DNAJC1: variants seen among roughly 807,000 people sequenced by gnomAD.
DNAJC1 encodes dnaJ homolog subfamily C member 1.
A neutral mutation model predicts 76.6 loss-of-function variants in DNAJC1; 58 were observed. That is an observed-to-expected ratio of 0.76 (90% confidence interval 0.61 to 0.94). The LOEUF is 0.94. Among genes scored for constraint, DNAJC1 ranks in the 40% least tolerant of loss-of-function variants. The pLI is 0.00. For synonymous variants in DNAJC1, 258 were observed against 267.9 expected, an observed-to-expected ratio of 0.96 and a Z score of 0.36; for missense variants, 689 against 677.3, an observed-to-expected ratio of 1.02 and a Z score of -0.19.
At chr10:21,842,575 T>G (rs777386946) in intron 8 of DNAJC1, among the ~76,000 whole-genome samples, 3 of 152,384 alleles carry the variant, frequency 2.0e-5, no homozygotes, top group Non-Finnish European at 4.4e-5. Context: ...CGCCATCTTA[T>G]GGCAAGGTCC....
chr10:21,960,296 G>A (rs1255414970), intron 1 of DNAJC1, among the ~76,000 whole-genome samples: 1 of 151,864 alleles, frequency 6.6e-6, no homozygotes, highest in African/African-American at 2.4e-5. Flanking sequence ...GAAAATAACA[G>A]GAAAGAACAG....
chr10:21,806,151 A>C lies in DNAJC1; in HGVS notation c.979-52T>G, dbSNP rs531695363. The C allele has an allele frequency of 6.6e-5, 101 of 1,539,284 alleles. No homozygotes were observed. In the South Asian group the frequency reaches 1.2e-3, roughly 18 times the overall value. On this transcript the variant is annotated intron_variant, in intron 8 of 11. Transcript: ENST00000376980. ...AAGATAATTGGGAGAAAATAAAAAGATAATTGGAAGAATAAAAAAAGATAA... is the reference window on the plus strand; with the variant it reads ...AAGATAATTGGGAGAAAATAAAAAGCTAATTGGAAGAATAAAAAAAGATAA...
chr10:21,777,577 T>C (rs541199436), intron 9 of DNAJC1, among the ~76,000 whole-genome samples: 1 of 152,284 alleles, frequency 6.6e-6, no homozygotes, highest in East Asian at 1.9e-4. Context: ...GCCCAGCACC[T>C]CAGGAAACCA....
At chr10:21,771,508 T>G (rs904533912) in intron 9 of DNAJC1, among the ~76,000 whole-genome samples, 1 of 152,216 alleles carries the variant, frequency 6.6e-6, no homozygotes, top group Non-Finnish European at 1.5e-5. Context: ...CAAACACTTT[T>G]TTTTTTTTGA....
chr10:21,841,282 A>G (rs1301841244), intron 8 of DNAJC1, among the ~76,000 whole-genome samples: 1 of 152,236 alleles, frequency 6.6e-6, no homozygotes, highest in African/African-American at 2.4e-5. Flanking sequence ...GAGCTTCTGC[A>G]CAGCAAAAGA....
intron 6 of DNAJC1, among the ~76,000 whole-genome samples, chr10:21,907,114 GGAC>G (rs774657177): frequency 6.6e-6 from 1 of 151,938 alleles, no homozygotes; most frequent in Non-Finnish European, 1.5e-5. Context: ...TCCTGCTATG[GGAC>G]ATAATCCCAC....
rs531895642 is a variant in DNAJC1 at position 21,938,270 on chromosome 10, C to T, written c.223-9129G>A. On this transcript the variant is annotated intron_variant, in intron 1 of 11. Transcript: ENST00000376980. ...CTCTAGAGAAGGATACGAATGAAAACGAAAACATACCATGCCAAAACGTAG... is the reference window on the plus strand; with the variant it reads ...CTCTAGAGAAGGATACGAATGAAAATGAAAACATACCATGCCAAAACGTAG... 8.6e-5 allele frequency among the ~76,000 whole-genome samples: 13 copies of T among 150,590 alleles called. No individual in the cohort carries two copies. The South Asian group carries it at 1.9e-3, about 22-fold the overall frequency.
rs183967171 is a variant in DNAJC1 at position 21,802,231 on chromosome 10, C to G, written c.1098+3749G>C. On this transcript the variant is annotated intron_variant, in intron 9 of 11. Transcript: ENST00000376980. ...GAACTACTGTAGCAGGAAACTGGTA[C>G]AGCGGCAGTGAGGACGAAGGCAGAA... Among the ~76,000 whole-genome samples the G allele has an allele frequency of 1.1e-4, 16 of 152,250 alleles. No individual in the cohort carries two copies. In the East Asian group the frequency reaches 2.7e-3, roughly 26 times the overall value.
At chr10:21,893,887 TGATC>T in intron 7 of DNAJC1, among the ~76,000 whole-genome samples, 1 of 151,902 alleles carries the variant, frequency 6.6e-6, no homozygotes, top group African/African-American at 2.4e-5. Flanking sequence ...AACAAAGAAC[TGATC>T]CTTTGAAAAG....
chr10:21,890,177 T>TGAG (rs1554894418), intron 7 of DNAJC1, among the ~76,000 whole-genome samples: 1 of 56,412 alleles, frequency 1.8e-5, no homozygotes, highest in African/African-American at 1.2e-4. Context: ...TTTGGGAGGC[T>TGAG]GGGGGGGGGT....
At chr10:21,898,758 C>T (rs1052986704) in intron 7 of DNAJC1, among the ~76,000 whole-genome samples, 2 of 150,504 alleles carry the variant, frequency 1.3e-5, no homozygotes, top group African/African-American at 4.9e-5. Context: ...TAGTACATGA[C>T]GAGGTTTTGC....
At chr10:21,776,701 T>G (rs1764429616) in intron 9 of DNAJC1, among the ~76,000 whole-genome samples, 1 of 152,206 alleles carries the variant, frequency 6.6e-6, no homozygotes, top group Admixed American at 6.5e-5. Flanking sequence ...AACTTTTCTG[T>G]GGATTATCTG....
chr10:21,971,996 A>G (rs1837987470), intron 1 of DNAJC1, among the ~76,000 whole-genome samples: 1 of 151,874 alleles, frequency 6.6e-6, no homozygotes, highest in South Asian at 2.1e-4. Context: ...TATCCTCTTT[A>G]TTTTGTATAT....
chr10:21,819,139 A>T (rs532641548), intron 8 of DNAJC1, among the ~76,000 whole-genome samples: 5 of 152,352 alleles, frequency 3.3e-5, no homozygotes, highest in Admixed American at 2.6e-4. Flanking sequence ...GCGGTGGCTC[A>T]TGCCTGTTAA....
At chr10:21,992,367 T>C (rs539579048) in intron 1 of DNAJC1, among the ~76,000 whole-genome samples, 7 of 152,114 alleles carry the variant, frequency 4.6e-5, no homozygotes, top group Non-Finnish European at 8.8e-5. Flanking sequence ...TATTTTAGTA[T>C]ATTGGGTTAA....
chr10:21,939,828 TATTG>T (rs1420772014), intron 1 of DNAJC1, among the ~76,000 whole-genome samples: 4 of 152,036 alleles, frequency 2.6e-5, no homozygotes, highest in Non-Finnish European at 4.4e-5. Flanking sequence ...GTATCTGATT[TATTG>T]ATTAAAAGCT....
chr10:21,870,048 A>T (rs1240377917), intron 8 of DNAJC1, among the ~76,000 whole-genome samples: 2 of 152,078 alleles, frequency 1.3e-5, no homozygotes, highest in African/African-American at 4.8e-5. Context: ...TAAAAGCAAA[A>T]ATCCTAAAAA....
At chr10:21,810,536 C>G (rs1834948235) in intron 8 of DNAJC1, among the ~76,000 whole-genome samples, 1 of 152,112 alleles carries the variant, frequency 6.6e-6, no homozygotes, top group Non-Finnish European at 1.5e-5. Flanking sequence ...ACACTCTGAC[C>G]CAAAGAGTCA....
At chr10:21,856,054 G>A (rs866416488) in intron 8 of DNAJC1, among the ~76,000 whole-genome samples, 1 of 152,156 alleles carries the variant, frequency 6.6e-6, no homozygotes, top group Non-Finnish European at 1.5e-5. Context: ...CAATATTAGA[G>A]ATAGTTACAG....
Sources: allele counts gnomAD v4.1 joint callset (sites outside exome capture counted in the v4.1 genomes callset), GRCh38; gene constraint gnomAD v4.1.1; transcripts MANE v1.5; gene names NCBI Gene and HGNC (gene_info 2026-07-23, HGNC 2026-07-21).